Variants in PCMT1 observed in about 807,000 individuals in gnomAD.
PCMT1 encodes protein-L-isoaspartate(D-aspartate) O-methyltransferase.
In PCMT1, 9 loss-of-function variants were observed where a neutral mutation model predicts 29.2. That is an observed-to-expected ratio of 0.31 (90% CI 0.19 to 0.54). The LOEUF is 0.54. PCMT1 is among the 20% of genes least tolerant of loss of function. The pLI is 0.95. For missense variants in PCMT1, 184 were observed against 282.2 expected, an observed-to-expected ratio of 0.65 and a Z score of 2.49; for synonymous variants, 98 against 97.5, an observed-to-expected ratio of 1.00 and a Z score of -0.03.
intron 6 of PCMT1, among the ~76,000 whole-genome samples, chr6:149,800,197 G>C (rs1270241019): frequency 6.6e-6 from 1 of 152,190 alleles, no homozygotes; most frequent in Non-Finnish European, 1.5e-5. Context: ...TGGGCATGGT[G>C]GCTCATGCCT....
intron 3 of PCMT1, among the ~76,000 whole-genome samples, chr6:149,781,881 A>G (rs1464633425): frequency 2.6e-5 from 4 of 152,172 alleles, no homozygotes; most frequent in African/African-American, 7.2e-5. Flanking sequence ...TACTCATTCA[A>G]TAACAATTTC....
intron 3 of PCMT1, among the ~76,000 whole-genome samples, chr6:149,787,299 C>CCGTGGGGAGAGGGAGAA: frequency 6.7e-6 from 1 of 148,180 alleles, no homozygotes; most frequent in Non-Finnish European, 1.5e-5. Flanking sequence ...TAGAGGGAGA[C>CCGTGGGGAGAGGGAGAA]CGTGGGGAGA....
intron 1 of PCMT1, among the ~76,000 whole-genome samples, chr6:149,750,486 A>G (rs1786264867): frequency 6.6e-6 from 1 of 152,154 alleles, no homozygotes; most frequent in African/African-American, 2.4e-5. Flanking sequence ...ACCGTCTGAT[A>G]CAGGCGAGGG....
intron 1 of PCMT1, among the ~76,000 whole-genome samples, chr6:149,766,542 C>T (rs1476155828): frequency 6.6e-6 from 1 of 152,220 alleles, no homozygotes; most frequent in Non-Finnish European, 1.5e-5. Context: ...AGGCCACAGA[C>T]AAAATTTGGC....
At chr6:149,768,261 T>C (rs970293677) in intron 1 of PCMT1, among the ~76,000 whole-genome samples, 2 of 151,808 alleles carry the variant, frequency 1.3e-5, no homozygotes, top group African/African-American at 4.8e-5. Context: ...TGGCTAATTT[T>C]CAAATTTTTT....
chr6:149,802,180 C>T lies in PCMT1; in HGVS notation c.505-20C>T. 7.9e-7 allele frequency: 1 copy of T among 1,265,702 alleles called. No individual in the cohort carries two copies. Among genetic ancestry groups the T allele is most frequent in the Non-Finnish European group, 1.1e-6 (1 of 929,092 alleles). 78.4% of individuals were successfully genotyped at this position (1,265,702 alleles called of 1,614,324 possible). On this transcript the variant is annotated intron_variant, in intron 6 of 7. Coordinates refer to ENST00000464889, the MANE Select transcript of PCMT1 (RefSeq NM_001360452.2). ...AATCTGTAACTTGGTGATGTATGTG[C>T]TTTTTTTTTTTTCTTTTAGCTAATA... is the stretch of plus-strand genomic sequence containing the variant.
At chr6:149,767,163 C>T (rs971254653) in intron 1 of PCMT1, among the ~76,000 whole-genome samples, 1 of 151,884 alleles carries the variant, frequency 6.6e-6, no homozygotes, top group Non-Finnish European at 1.5e-5. Flanking sequence ...GCCGAGATCA[C>T]GCCACTGCAC....
At chr6:149,767,257 T>C (rs1365893808) in intron 1 of PCMT1, among the ~76,000 whole-genome samples, 2 of 99,010 alleles carry the variant, frequency 2.0e-5, no homozygotes, top group Non-Finnish European at 3.5e-5. Flanking sequence ...AGTAATTCAC[T>C]CTTTTTTTTT....
At chr6:149,800,803 A>G (rs977064187) in intron 6 of PCMT1, among the ~76,000 whole-genome samples, 4 of 152,122 alleles carry the variant, frequency 2.6e-5, no homozygotes, top group African/African-American at 9.7e-5. Context: ...CTGATTTTCT[A>G]CACTTCCTCT....
intron 5 of PCMT1, among the ~76,000 whole-genome samples, chr6:149,794,116 C>T (rs997343753): frequency 2.6e-5 from 4 of 151,934 alleles, no homozygotes; most frequent in Admixed American, 6.6e-5. Context: ...TTTTTCAGTG[C>T]TTTCTGTGTC....
At chr6:149,786,326 C>CT (rs1788073886) in intron 3 of PCMT1, among the ~76,000 whole-genome samples, 1 of 105,590 alleles carries the variant, frequency 9.5e-6, no homozygotes, top group East Asian at 4.5e-4. Context: ...GCTGACCCCC[C>CT]CACCTCCCTC....
intron 7 of PCMT1, 119 bp from the exon 8 acceptor site, chr6:149,810,497 T>C (rs1039700713): frequency 1.5e-6 from 1 of 683,042 alleles, no homozygotes. Flanking sequence ...ATTTTTTAAA[T>C]ATATTGCTTG....
At chr6:149,754,335 C>T (rs1411886933) in intron 1 of PCMT1, among the ~76,000 whole-genome samples, 1 of 152,024 alleles carries the variant, frequency 6.6e-6, no homozygotes, top group Non-Finnish European at 1.5e-5. Context: ...GTAATGTGCT[C>T]GTGAAACAAA....
intron 3 of PCMT1, among the ~76,000 whole-genome samples, chr6:149,773,870 A>G (rs11966407): frequency 0.096 from 14,660 of 152,226 alleles, 2,013 homozygotes; most frequent in African/African-American, 0.3. Context: ...TTTATGTGGA[A>G]AATTCATTAG....
intron 3 of PCMT1, among the ~76,000 whole-genome samples, chr6:149,788,498 T>A (rs538270714): frequency 1.3e-3 from 204 of 152,358 alleles, no homozygotes; most frequent in African/African-American, 4.7e-3. Context: ...TATGGGCCAT[T>A]TATTTTGTAT....
chr6:149,761,990 T>C (rs184943702), intron 1 of PCMT1, among the ~76,000 whole-genome samples: 1 of 152,326 alleles, frequency 6.6e-6, no homozygotes, highest in Admixed American at 6.5e-5. Context: ...TATTGAAGAC[T>C]GTCAAATGTT....
chr6:149,774,587 G>T (rs2115262125), intron 3 of PCMT1, among the ~76,000 whole-genome samples: 1 of 148,802 alleles, frequency 6.7e-6, no homozygotes, highest in Admixed American at 6.7e-5. Context: ...GCCCAGGCTG[G>T]AGTGCAATAT....
intron 2 of PCMT1, 43 bp from the exon 3 acceptor site, chr6:149,773,095 T>C: frequency 6.6e-7 from 1 of 1,510,942 alleles, no homozygotes; most frequent in Admixed American, 1.7e-5. Context: ...AATAGTATAT[T>C]TTTACAGCTG....
At chr6:149,764,989 C>T (rs1194061756) in intron 1 of PCMT1, among the ~76,000 whole-genome samples, 1 of 140,810 alleles carries the variant, frequency 7.1e-6, no homozygotes, top group African/African-American at 2.7e-5. Flanking sequence ...TGCAGTGAGC[C>T]GAGATCGCGC....
Sources: allele counts gnomAD v4.1 joint callset (sites outside exome capture counted in the v4.1 genomes callset), GRCh38; gene constraint gnomAD v4.1.1; transcripts MANE v1.5; gene names NCBI Gene and HGNC (gene_info 2026-07-23, HGNC 2026-07-21).